The following GADL1 variants were observed in gnomAD, a reference collection of about 807,000 sequenced individuals.
GADL1 encodes the protein GAD like acidic amino acid decarboxylase 1.
GADL1 carries 71 observed loss-of-function variants against 69.5 expected under a neutral mutation model. That is an observed-to-expected ratio of 1.02 (90% CI 0.84 to 1.25). The LOEUF (loss-of-function observed/expected upper bound fraction) is 1.25. GADL1 is among the 50% of genes most tolerant of loss of function. The pLI is 0.00. For missense variants in GADL1, 737 were observed against 631.8 expected, an observed-to-expected ratio of 1.17 and a Z score of -1.79; for synonymous variants, 254 against 214.4, an observed-to-expected ratio of 1.18 and a Z score of -1.62.
chr3:30,764,320 T>C (rs151157266), intron 14 of GADL1, among the ~76,000 whole-genome samples: 110 of 152,238 alleles, frequency 7.2e-4, no homozygotes, highest in Non-Finnish European at 1.1e-3. Context: ...TAGATTCTGG[T>C]GTGTAGACTC....
chr3:30,753,479 TAAA>T (rs1424748676), intron 14 of GADL1, among the ~76,000 whole-genome samples: 1 of 148,776 alleles, frequency 6.7e-6, no homozygotes, highest in African/African-American at 2.5e-5. Flanking sequence ...TTTTCAATCC[TAAA>T]AAACCAAATT....
chr3:30,808,147 A>AG (rs1392131017), intron 11 of GADL1, among the ~76,000 whole-genome samples: 3 of 152,044 alleles, frequency 2.0e-5, no homozygotes, highest in African/African-American at 7.2e-5. Context: ...GGAGGAGGGG[A>AG]GGGAAAGAGC....
At chr3:30,807,749 C>T (rs1697279379) in intron 11 of GADL1, among the ~76,000 whole-genome samples, 1 of 152,102 alleles carries the variant, frequency 6.6e-6, no homozygotes, top group South Asian at 2.1e-4. Context: ...GAATGTGCGG[C>T]CGGGTGCAGT....
intron 14 of GADL1, among the ~76,000 whole-genome samples, chr3:30,771,414 G>A (rs1696416052): frequency 6.6e-6 from 1 of 151,974 alleles, no homozygotes; most frequent in Admixed American, 6.6e-5. Flanking sequence ...AAGAGCATAC[G>A]GTATCTACAA....
In GADL1 at chr3:30,800,887, A is replaced by T; in HGVS notation, c.1250+2T>A. On this transcript the variant is annotated splice_donor_variant, in intron 12 of 14. Transcript: ENST00000282538. LOFTEE classifies it high-confidence loss of function. ...GAGAGAGAGAGAGAGAGAGGCTAGT[A>T]CCTAGATAAAGCAAGAGCACGATTA... The T allele has an allele frequency of 6.2e-7, 1 of 1,601,388 alleles. No homozygotes were observed. The highest frequency in any genetic ancestry group is 8.5e-7 in the Non-Finnish European group (1 of 1,174,960).
chr3:30,877,268 A>G (rs1421094599), intron 1 of GADL1, among the ~76,000 whole-genome samples: 1 of 151,880 alleles, frequency 6.6e-6, no homozygotes, highest in African/African-American at 2.4e-5. Context: ...CTCACCAGAA[A>G]GATTGAACTA....
intron 11 of GADL1, among the ~76,000 whole-genome samples, chr3:30,830,980 T>C (rs890919615): frequency 2.2e-5 from 3 of 138,220 alleles, no homozygotes; most frequent in Non-Finnish European, 4.6e-5. Context: ...TAATTGATAA[T>C]TGAGCCCTGT....
intron 13 of GADL1, among the ~76,000 whole-genome samples, chr3:30,783,774 C>CA (rs200136816): frequency 0.02 from 2,986 of 152,240 alleles, 41 homozygotes; most frequent in Non-Finnish European, 0.029. Context: ...AATCCAGGGG[C>CA]AGAAGGCTGA....
chr3:30,805,742 T>TTTTTTTTTTTTTTTTTG (rs1697241999), intron 11 of GADL1, among the ~76,000 whole-genome samples: 1 of 138,662 alleles, frequency 7.2e-6, no homozygotes, highest in East Asian at 2.1e-4. Flanking sequence ...GCCTTTTTTT[T>TTTTTTTTTTTTTTTTTG]TTTTTTTTTT....
chr3:30,769,443 A>C (rs894120889), intron 14 of GADL1, among the ~76,000 whole-genome samples: 5 of 152,100 alleles, frequency 3.3e-5, no homozygotes, highest in Admixed American at 3.3e-4. Flanking sequence ...GCTGAGGATG[A>C]TTCCTATCTG....
At chr3:30,808,496 T>C (rs1340673589) in intron 11 of GADL1, among the ~76,000 whole-genome samples, 1 of 58,404 alleles carries the variant, frequency 1.7e-5, no homozygotes. Context: ...GGACTCTATC[T>C]CAAAAAAAAA....
intron 9 of GADL1, among the ~76,000 whole-genome samples, chr3:30,835,232 G>T (rs552036975): frequency 1.3e-5 from 2 of 152,130 alleles, no homozygotes; most frequent in African/African-American, 2.4e-5. Flanking sequence ...CTTAAGGAAG[G>T]TGACAATTTG....
At position 30,782,266 on chromosome 3, in the gene GADL1, G is replaced by A. The variant is rs900989302; in HGVS notation, c.1303-3998C>T. 2.6e-5 allele frequency among the ~76,000 whole-genome samples: 4 copies of A among 152,268 alleles called. No individual in the cohort carries two copies. The South Asian group carries it at 8.3e-4, about 32-fold the overall frequency. On this transcript the variant is annotated intron_variant, in intron 13 of 14. Transcript: ENST00000282538. ...TGCTCTAGCAGCAGTGTGGCAGTTA[G>A]GCTGGAGGGATCTAAGACTGGAAGT...
intron 4 of GADL1, among the ~76,000 whole-genome samples, chr3:30,854,069 C>T (rs984409511): frequency 8.5e-5 from 13 of 152,084 alleles, no homozygotes; most frequent in Admixed American, 4.6e-4. Context: ...CCCACACTGG[C>T]CTTTCAGTTC....
At chr3:30,782,213 T>C (rs527458940) in intron 13 of GADL1, among the ~76,000 whole-genome samples, 12 of 152,224 alleles carry the variant, frequency 7.9e-5, no homozygotes, top group African/African-American at 1.9e-4. Context: ...AGTTTCACTA[T>C]AGGAAATAGA....
chr3:30,805,174 G>C (rs1158119726), intron 11 of GADL1, among the ~76,000 whole-genome samples: 1 of 152,144 alleles, frequency 6.6e-6, no homozygotes, highest in Non-Finnish European at 1.5e-5. Flanking sequence ...AACCCAGTGA[G>C]ATAAATTCTA....
At chr3:30,744,191 C>G (rs1009825859) in intron 14 of GADL1, among the ~76,000 whole-genome samples, 1 of 152,058 alleles carries the variant, frequency 6.6e-6, no homozygotes, top group African/African-American at 2.4e-5. Context: ...AGAGGAAATC[C>G]TGGTAACTGT....
At chr3:30,765,133 C>T (rs1696239984) in intron 14 of GADL1, among the ~76,000 whole-genome samples, 1 of 151,420 alleles carries the variant, frequency 6.6e-6, no homozygotes, top group African/African-American at 2.4e-5. Flanking sequence ...GAGGTAGTTC[C>T]CTCAAAGGCA....
At position 30,818,885 on chromosome 3, in the gene GADL1, G is replaced by C. The variant is rs542167315; in HGVS notation, c.1050+14968C>G. 3.3e-5 allele frequency among the ~76,000 whole-genome samples: 5 copies of C among 152,192 alleles called. 1 individual carries two copies. In the South Asian group the frequency reaches 1.0e-3, roughly 32 times the overall value. On this transcript the variant is annotated intron_variant, in intron 11 of 14. Transcript: ENST00000282538. ...TACCTGAATATCTGCTATGGCCTCT[G>C]AATGTCAGATCACTTGAGGCCTGCT...
Sources: allele counts gnomAD v4.1 joint callset (sites outside exome capture counted in the v4.1 genomes callset), GRCh38; gene constraint gnomAD v4.1.1; transcripts MANE v1.5; gene names NCBI Gene and HGNC (gene_info 2026-07-23, HGNC 2026-07-21).